The following TRDN variants were observed in gnomAD, a reference collection of about 807,000 sequenced individuals.
The protein encoded by TRDN is triadin.
Under a neutral mutation model 149.7 loss-of-function variants are expected in TRDN, and 161 were observed. That is an observed-to-expected ratio of 1.08 (90% CI 0.95 to 1.23). The LOEUF (loss-of-function observed/expected upper bound fraction) is 1.23. TRDN is among the 50% of genes most tolerant of loss of function. TRDN has a pLI of 0.00. For synonymous variants in TRDN, 294 were observed against 250.5 expected (o/e 1.17, Z -1.64); for missense variants, 896 against 823.5 (o/e 1.09, Z -1.08).
At position 123,290,625 on chromosome 6, in the gene TRDN, TA is replaced by T. The variant is rs1346252190; in HGVS notation, c.1511-11544del. On this transcript the variant is annotated intron_variant, in intron 24 of 40. Transcript: ENST00000334268. ...GGAATCGATGCTTAAATAATGAACT[TA>T]TTGTGTGGTTTAAAGTCTTAAAATG... 4.6e-5 allele frequency among the ~76,000 whole-genome samples: 7 copies of T among 152,258 alleles called. No homozygotes were observed. In the East Asian group the frequency reaches 1.4e-3, roughly 29 times the overall value.
intron 38 of TRDN, among the ~76,000 whole-genome samples, chr6:123,240,900 T>C (rs1775966348): frequency 6.6e-6 from 1 of 151,930 alleles, no homozygotes; most frequent in Admixed American, 6.6e-5. Flanking sequence ...ATTTTTGAGG[T>C]GAATTTACTC....
chr6:123,472,819 C>G lies in TRDN; in HGVS notation c.854-7836G>C, dbSNP rs890974589. On this transcript the variant is annotated intron_variant, in intron 9 of 40. Coordinates refer to ENST00000334268, the MANE Select transcript of TRDN (RefSeq NM_006073.4). ...CGAGCAGCCTAACTGGGAGGCAACC[C>G]CCCAGCAGGGGCACACTGACACCTC... Among the ~76,000 whole-genome samples the G allele has an allele frequency of 5.3e-4, 81 of 152,266 alleles. 1 individual carries two copies. The Middle Eastern group carries it at 0.01, about 19-fold the overall frequency.
chr6:123,301,333 C>G (rs568734314), intron 24 of TRDN, among the ~76,000 whole-genome samples: 1 of 152,048 alleles, frequency 6.6e-6, no homozygotes, highest in East Asian at 1.9e-4. Flanking sequence ...ATCTGTGACA[C>G]TGTAAATCTT....
In TRDN at chr6:123,636,792, A is replaced by G; in HGVS notation, c.-17T>C. 6.2e-7 allele frequency: 1 copy of G among 1,611,568 alleles called. No homozygotes were observed. Among genetic ancestry groups the G allele is most frequent in the Non-Finnish European group, 8.5e-7 (1 of 1,178,320 alleles). ...CTCAGTCATGGTGGTCGTCAAAAGT[A>G]AAAGTCAGTTGAAAAGTTCCCGTCA... On this transcript the variant is annotated 5_prime_UTR_variant, in exon 1 of 41. Coordinates refer to ENST00000334268, the MANE Select transcript of TRDN (RefSeq NM_006073.4).
intron 8 of TRDN, 142 bp downstream of exon 8, chr6:123,503,577 T>C (rs1778789837): frequency 1.4e-6 from 2 of 1,458,688 alleles, no homozygotes; most frequent in East Asian, 2.5e-5. Context: ...ACTGTATTTC[T>C]TTTCTGATAT....
At chr6:123,540,671 AC>A (rs1359853132) in intron 4 of TRDN, among the ~76,000 whole-genome samples, 1 of 152,162 alleles carries the variant, frequency 6.6e-6, no homozygotes, top group Non-Finnish European at 1.5e-5. Context: ...AGCGCCCGCC[AC>A]GACGCCTGGC....
At chr6:123,290,150 A>G (rs903558760) in intron 24 of TRDN, among the ~76,000 whole-genome samples, 3 of 152,226 alleles carry the variant, frequency 2.0e-5, no homozygotes, top group Non-Finnish European at 1.5e-5. Context: ...TGAGTAATGC[A>G]GTTCACTCCT....
At chr6:123,331,499 T>C (rs1779656420) in intron 23 of TRDN, among the ~76,000 whole-genome samples, 1 of 152,092 alleles carries the variant, frequency 6.6e-6, no homozygotes, top group Admixed American at 6.6e-5. Context: ...ACTTACAGAA[T>C]CAAAAGATTT....
chr6:123,390,563 C>T (rs1782068537), intron 13 of TRDN, among the ~76,000 whole-genome samples: 1 of 152,076 alleles, frequency 6.6e-6, no homozygotes, highest in South Asian at 2.1e-4. Flanking sequence ...AGGTGCATGG[C>T]TTTTATTTAT....
chr6:123,258,243 CACT>C (rs1776633053), intron 35 of TRDN, among the ~76,000 whole-genome samples: 1 of 152,160 alleles, frequency 6.6e-6, no homozygotes, highest in African/African-American at 2.4e-5. Flanking sequence ...CCAGCTTTTG[CACT>C]TTCAGTATGC....
chr6:123,586,233 C>G (rs917650023), intron 1 of TRDN, among the ~76,000 whole-genome samples: 3 of 152,122 alleles, frequency 2.0e-5, no homozygotes, highest in African/African-American at 4.8e-5. Flanking sequence ...GGGCTAGTCA[C>G]GGAATGAAAC....
intron 1 of TRDN, among the ~76,000 whole-genome samples, chr6:123,599,692 G>A (rs1784192440): frequency 6.6e-6 from 1 of 151,876 alleles, no homozygotes; most frequent in Non-Finnish European, 1.5e-5. Flanking sequence ...GAATGTATGA[G>A]GGTTGGTTAT....
intron 12 of TRDN, among the ~76,000 whole-genome samples, chr6:123,432,778 T>C (rs1261403701): frequency 2.0e-5 from 3 of 152,156 alleles, no homozygotes; most frequent in Non-Finnish European, 2.9e-5. Context: ...ACAAAGTTGA[T>C]AACTTTTGCT....
At chr6:123,266,187 TATA>T (rs1463701318) in intron 32 of TRDN, among the ~76,000 whole-genome samples, 9 of 85,112 alleles carry the variant, frequency 1.1e-4, no homozygotes, top group African/African-American at 1.4e-4. Context: ...TTATATATAT[TATA>T]ATATGTATTA....
At chr6:123,460,588 T>A in intron 10 of TRDN, among the ~76,000 whole-genome samples, 1 of 152,100 alleles carries the variant, frequency 6.6e-6, no homozygotes, top group African/African-American at 2.4e-5. Flanking sequence ...TAAAATCTAT[T>A]GTGTCATGGA....
At chr6:123,452,640 T>C (rs1360178722) in intron 10 of TRDN, among the ~76,000 whole-genome samples, 1 of 152,162 alleles carries the variant, frequency 6.6e-6, no homozygotes, top group Admixed American at 6.5e-5. Context: ...CGCTTATGGA[T>C]GGATATAATC....
At chr6:123,273,458 C>T (rs1324453770) in intron 27 of TRDN, 95 bp from the exon 28 acceptor site, 4 of 611,976 alleles carry the variant, frequency 6.5e-6, no homozygotes, top group African/African-American at 6.0e-5. Flanking sequence ...TAGAACTAGG[C>T]ATAACTAGCT....
chr6:123,397,344 C>T (rs1419127846), intron 12 of TRDN, among the ~76,000 whole-genome samples: 1 of 152,154 alleles, frequency 6.6e-6, no homozygotes, highest in Non-Finnish European at 1.5e-5. Context: ...ACCCAGCCCA[C>T]TGACCTCCAC....
chr6:123,400,801 T>C (rs1772934633), intron 12 of TRDN, among the ~76,000 whole-genome samples: 1 of 152,254 alleles, frequency 6.6e-6, no homozygotes, highest in Admixed American at 6.5e-5. Flanking sequence ...ATATCACCAT[T>C]CTGTTTTTCC....
Sources: gnomAD v4.1 joint callset for allele counts (sites outside exome capture counted in the v4.1 genomes callset) on GRCh38, gnomAD v4.1.1 for gene constraint, MANE v1.5 for transcripts, NCBI Gene and HGNC (gene_info 2026-07-23, HGNC 2026-07-21) for gene names.